The following TNIK variants were observed in gnomAD, a reference collection of about 807,000 sequenced individuals.
TNIK encodes the protein TRAF2 and NCK-interacting protein kinase.
In TNIK, 49 loss-of-function variants were observed where a neutral mutation model predicts 191.3. That is an observed-to-expected ratio of 0.26 (90% confidence interval 0.20 to 0.32). The LOEUF (loss-of-function observed/expected upper bound fraction) is 0.32. Ranked by LOEUF, TNIK falls within the 10% of genes least tolerant of loss-of-function variation. The pLI is 1.00. For missense variants in TNIK, 1,155 were observed against 1,702.3 expected, an observed-to-expected ratio of 0.68 and a Z score of 5.66; for synonymous variants, 594 against 600.9, an observed-to-expected ratio of 0.99 and a Z score of 0.17.
At chr3:171,119,805 G>C (rs1039950452) in intron 18 of TNIK, among the ~76,000 whole-genome samples, 4 of 152,134 alleles carry the variant, frequency 2.6e-5, no homozygotes, top group South Asian at 2.1e-4. Context: ...TGTGGGGTTG[G>C]GGGGAGGGAG....
At chr3:171,186,495 C>T (rs1210275090) in intron 7 of TNIK, among the ~76,000 whole-genome samples, 1 of 152,110 alleles carries the variant, frequency 6.6e-6, no homozygotes, top group Non-Finnish European at 1.5e-5. Context: ...AAAAGTCTTC[C>T]TTATTCATTC....
intron 1 of TNIK, among the ~76,000 whole-genome samples, chr3:171,450,284 C>A (rs988495639): frequency 1.3e-5 from 2 of 152,232 alleles, no homozygotes; most frequent in Non-Finnish European, 2.9e-5. Context: ...TTCTCCTCTA[C>A]CATCTAATTA....
At chr3:171,373,017 C>G (rs1179760026) in intron 1 of TNIK, among the ~76,000 whole-genome samples, 8 of 152,170 alleles carry the variant, frequency 5.3e-5, no homozygotes, top group Non-Finnish European at 1.2e-4. Flanking sequence ...TCTCTTCTCT[C>G]TTTCCCCCAA....
chr3:171,090,122 A>G (rs1721869408), intron 23 of TNIK, among the ~76,000 whole-genome samples: 1 of 152,132 alleles, frequency 6.6e-6, no homozygotes, highest in Admixed American at 6.5e-5. Context: ...GGAAGTGGAG[A>G]GGTGAAAGCA....
rs1346003345 is a variant in TNIK, at chr3:171,272,915, C to T, written c.124-44694G>A. On this transcript the variant is annotated intron_variant, in intron 2 of 32. Coordinates refer to ENST00000436636, the MANE Select transcript of TNIK (RefSeq NM_015028.4). Reference sequence around the variant, plus strand: ...TTCCCTGATTGTACCCTTATGGCCACGTACTGATGTTTGTGCATTTGAATA... The same window carrying T: ...TTCCCTGATTGTACCCTTATGGCCATGTACTGATGTTTGTGCATTTGAATA... 4.6e-5 allele frequency among the ~76,000 whole-genome samples: 7 copies of T among 152,222 alleles called. No homozygotes were observed. In the East Asian group the frequency reaches 5.8e-4, roughly 13 times the overall value.
At chr3:171,116,316 C>A (rs1335661896) in intron 18 of TNIK, among the ~76,000 whole-genome samples, 1 of 152,196 alleles carries the variant, frequency 6.6e-6, no homozygotes. Flanking sequence ...CACATCTTAA[C>A]TGAGCCTATT....
chr3:171,448,903 GC>G (rs1727842839), intron 1 of TNIK, among the ~76,000 whole-genome samples: 1 of 151,126 alleles, frequency 6.6e-6, no homozygotes, highest in African/African-American at 2.4e-5. Flanking sequence ...CCCTCCCCTA[GC>G]CCCCCATTTA....
intron 2 of TNIK, among the ~76,000 whole-genome samples, chr3:171,235,386 C>A (rs1336983644): frequency 1.3e-5 from 2 of 152,162 alleles, no homozygotes; most frequent in East Asian, 3.9e-4. Context: ...GACTAACCCC[C>A]CTAGGTGTGG....
intron 2 of TNIK, among the ~76,000 whole-genome samples, chr3:171,290,376 C>T (rs1359244245): frequency 6.6e-6 from 1 of 152,120 alleles, no homozygotes; most frequent in Non-Finnish European, 1.5e-5. Flanking sequence ...GTTATTTGAT[C>T]TAAGACAAAT....
At chr3:171,116,880 G>A (rs1726785049) in intron 18 of TNIK, among the ~76,000 whole-genome samples, 1 of 152,190 alleles carries the variant, frequency 6.6e-6, no homozygotes, top group East Asian at 1.9e-4. Flanking sequence ...CACAGCATGA[G>A]GCATTTAGGA....
intron 32 of TNIK, among the ~76,000 whole-genome samples, chr3:171,065,671 G>C (rs1718348873): frequency 6.6e-6 from 1 of 152,192 alleles, no homozygotes; most frequent in African/African-American, 2.4e-5. Flanking sequence ...GAAGAAACAT[G>C]GCTGGAATGA....
intron 2 of TNIK, among the ~76,000 whole-genome samples, chr3:171,263,089 T>C (rs139757191): frequency 1.5e-3 from 229 of 152,342 alleles, no homozygotes; most frequent in African/African-American, 5.3e-3. Flanking sequence ...AAAACTGCTG[T>C]CATCTTGAAA....
chr3:171,248,618 G>A (rs1057490042), intron 2 of TNIK, among the ~76,000 whole-genome samples: 1 of 152,140 alleles, frequency 6.6e-6, no homozygotes, highest in South Asian at 2.1e-4. Flanking sequence ...GGGAGTACAG[G>A]CTGGAAGCAT....
At chr3:171,325,025 C>T (rs1402826415) in intron 2 of TNIK, among the ~76,000 whole-genome samples, 23 of 152,012 alleles carry the variant, frequency 1.5e-4, no homozygotes, top group African/African-American at 5.6e-4. Context: ...GGCGTGAATC[C>T]AGGAGGCGGA....
chr3:171,059,935 A>G lies in TNIK; in HGVS notation c.*3946T>C, dbSNP rs780096212. Among the ~76,000 whole-genome samples the G allele has an allele frequency of 6.6e-6, 1 of 152,234 alleles. No individual in the cohort carries two copies. Among genetic ancestry groups the G allele is most frequent in the African/African-American group, 2.4e-5 (1 of 41,470 alleles). ...TCTGGAATATAAAGAGCATAGTAGC[A>G]TCATTCAGAATTGTTATCAGCATGC... On this transcript the variant is annotated 3_prime_UTR_variant, in exon 33 of 33. Transcript: ENST00000436636.
At chr3:171,071,448 A>T (rs1719162086) in intron 28 of TNIK, 125 bp from the exon 29 acceptor site, 1 of 755,006 alleles carries the variant, frequency 1.3e-6, no homozygotes, top group Non-Finnish European at 2.1e-6. Flanking sequence ...CAGCTTCATG[A>T]AGGTGATATT....
At chr3:171,287,211 C>CA (rs1319516605) in intron 2 of TNIK, among the ~76,000 whole-genome samples, 23 of 151,722 alleles carry the variant, frequency 1.5e-4, no homozygotes, top group African/African-American at 5.6e-4. Context: ...AAAACAGAAA[C>CA]AACAAAAAAA....
intron 2 of TNIK, among the ~76,000 whole-genome samples, chr3:171,335,420 CT>C (rs1186659460): frequency 1.3e-5 from 2 of 152,308 alleles, no homozygotes; most frequent in African/African-American, 4.8e-5. Flanking sequence ...TCTCATGCCC[CT>C]TTGTAGTCAC....
At position 171,063,662 on chromosome 3, in the gene TNIK, T is replaced by C; in HGVS notation, c.*219A>G. 2.2e-6 allele frequency: 1 copy of C among 464,282 alleles called. No individual in the cohort carries two copies. Among genetic ancestry groups the C allele is most frequent in the South Asian group, 3.6e-5 (1 of 27,504 alleles). The allele number at this position is 464,282 out of a possible 1,614,324, so 28.8% of individuals were successfully genotyped here. ...ACAGACAAGGCAGCATTCTTGGGGA[T>C]CTCCTGGAAATTCCTGCCACCTTTT... On this transcript the variant is annotated 3_prime_UTR_variant, in exon 33 of 33. Coordinates refer to ENST00000436636, the MANE Select transcript of TNIK (RefSeq NM_015028.4).
Sources: allele counts gnomAD v4.1 joint callset (sites outside exome capture counted in the v4.1 genomes callset), GRCh38; gene constraint gnomAD v4.1.1; transcripts MANE v1.5; gene names NCBI Gene and HGNC (gene_info 2026-07-23, HGNC 2026-07-21).